The following TTC21A variants were observed in gnomAD, a reference collection of about 807,000 sequenced individuals.
The protein encoded by TTC21A is tetratricopeptide repeat domain 21A, also known as tetratricopeptide repeat protein 21A.
Under a neutral mutation model 156.4 loss-of-function variants are expected in TTC21A, and 128 were observed. The observed-to-expected ratio is 0.82, with a 90% confidence interval of 0.71 to 0.95. The LOEUF is 0.95. TTC21A is among the 40% of genes least tolerant of loss of function. The pLI is 0.00. For synonymous variants in TTC21A, 587 were observed against 617.1 expected (o/e 0.95, Z 0.72); for missense variants, 1,435 against 1,602.3 (o/e 0.90, Z 1.78).
chr3:39,114,317 C>T (rs1321311983), intron 5 of TTC21A, among the ~76,000 whole-genome samples: 1 of 152,208 alleles, frequency 6.6e-6, no homozygotes, highest in Non-Finnish European at 1.5e-5. Flanking sequence ...CTATCCCAGG[C>T]CTGCTAAGTT....
In TTC21A at chr3:39,134,414, C is replaced by T. The variant is rs1201147867; in HGVS notation, c.2862+86C>T. On this transcript the variant is annotated intron_variant, in intron 21 of 28. Coordinates refer to ENST00000683103, the MANE Select transcript of TTC21A (RefSeq NM_001366900.1). This position sits in a 1 kb window ranked among gnomAD's most constrained non-coding sequence, Gnocchi z 4.6. ...ACCAGATGCAGGCTACTTCCTAGCCCCGTAACCTCAGATGCCTCACTGACA... is the reference window on the plus strand; with the variant it reads ...ACCAGATGCAGGCTACTTCCTAGCCTCGTAACCTCAGATGCCTCACTGACA... 7.3e-6 allele frequency: 7 copies of T among 959,508 alleles called. No homozygotes were observed. The Admixed American group carries it at 1.0e-4, about 14-fold the overall frequency. The allele number at this position is 959,508 out of a possible 1,614,324, so 59.4% of individuals were successfully genotyped here.
rs1334164450 is a variant in TTC21A at position 39,129,180 on chromosome 3, G to A, written c.2005G>A (p.Val669Met). The A allele has an allele frequency of 1.2e-6, 2 of 1,614,248 alleles. No individual in the cohort carries two copies. The highest frequency in any genetic ancestry group is 1.7e-6 in the Non-Finnish European group (2 of 1,180,050). ...NVDLVLSKGN[V>M]DVALNMLRNI... ...GGACTTGGTCCTGAGCAAGGGCAAT[G>A]TGGACGTGGCGCTGAACATGCTAAG... Residue 669 changes from valine to methionine, a missense_variant, in exon 15 of 29, where the codon GTG becomes ATG. Coordinates refer to ENST00000683103, the MANE Select transcript of TTC21A (RefSeq NM_001366900.1).
At chr3:39,138,429 G>A in intron 27 of TTC21A, 42 bp downstream of exon 27, 1 of 1,613,630 alleles carries the variant, frequency 6.2e-7, no homozygotes, top group Non-Finnish European at 8.5e-7. Flanking sequence ...GACGTGGGAG[G>A]GAGGTGGGCA....
intron 15 of TTC21A, 66 bp downstream of exon 15, chr3:39,129,376 A>G: frequency 8.0e-7 from 1 of 1,246,566 alleles, no homozygotes; most frequent in Non-Finnish European, 1.2e-6. Context: ...TGTTTCCTTC[A>G]GATGGTATTT....
At chr3:39,133,335 A>C in intron 20 of TTC21A, 95 bp downstream of exon 20, 4 of 1,270,414 alleles carry the variant, frequency 3.1e-6, no homozygotes, top group East Asian at 2.4e-5. Flanking sequence ...TCCCTTCTCC[A>C]TTCTTCCCTG....
rs778980243 is a variant in TTC21A at position 39,138,412 on chromosome 3, G to A, written c.3796+25G>A. The A allele has an allele frequency of 6.3e-5, 102 of 1,613,702 alleles. 1 individual carries two copies. Among genetic ancestry groups the A allele is most frequent in the Admixed American group, 5.0e-4 (30 of 59,964 alleles). Reference sequence around the variant, plus strand: ...GGTAAGGCAACCAGCCAGGGTGCACGTGAATGGACGTGGGAGGGAGGTGGG... The same window carrying A: ...GGTAAGGCAACCAGCCAGGGTGCACATGAATGGACGTGGGAGGGAGGTGGG... On this transcript the variant is annotated intron_variant, in intron 27 of 28. Transcript: ENST00000683103.
At chr3:39,108,208 C>T (rs994610443) in intron 1 of TTC21A, 22 of 506,290 alleles carry the variant, frequency 4.3e-5, no homozygotes, top group African/African-American at 3.5e-4. Context: ...CTAGCCTTAA[C>T]TCATACCTCT....
Position 39,134,916 on chromosome 3 carries a change from TGAGAAAC to T in TTC21A, c.2863-176_2863-170del. 1.6e-6 allele frequency: 1 copy of T among 618,652 alleles called. No individual in the cohort carries two copies. Among genetic ancestry groups the T allele is most frequent in the Admixed American group, 2.8e-5 (1 of 36,076 alleles). The allele number at this position is 618,652 out of a possible 1,614,324, so 38.3% of individuals were successfully genotyped here. On this transcript the variant is annotated intron_variant, in intron 21 of 28. Coordinates refer to ENST00000683103, the MANE Select transcript of TTC21A (RefSeq NM_001366900.1). This position sits in a 1 kb window ranked among gnomAD's most constrained non-coding sequence, Gnocchi z 4.6. ...AGTCCTCACCTTCTGGGTGGGGGCCTGAGAAACCCTCAGGCTTCTCCTGTGGCAGCTT... is the reference window on the plus strand; with the variant it reads ...AGTCCTCACCTTCTGGGTGGGGGCCTCCTCAGGCTTCTCCTGTGGCAGCTT...
At chr3:39,124,621 T>C (rs2038050300) in intron 9 of TTC21A, among the ~76,000 whole-genome samples, 1 of 120,480 alleles carries the variant, frequency 8.3e-6, no homozygotes, top group Non-Finnish European at 1.7e-5. Flanking sequence ...ATCGTGCCAC[T>C]TCACTCCAGC....
intron 23 of TTC21A, 168 bp from the exon 24 acceptor site, chr3:39,136,726 CCACCA>C: frequency 1.0e-6 from 1 of 1,000,936 alleles, no homozygotes; most frequent in Non-Finnish European, 1.4e-6. Context: ...CTTGGGCAGG[CCACCA>C]GCCTGCATCC....
At chr3:39,122,035 G>A (rs758882564) in intron 9 of TTC21A, among the ~76,000 whole-genome samples, 10 of 152,212 alleles carry the variant, frequency 6.6e-5, no homozygotes, top group South Asian at 2.1e-4. Flanking sequence ...TGAGCCAGGC[G>A]TGATGGCTCA....
chr3:39,108,333 C>T (rs925809153), intron 1 of TTC21A: 1 of 164,606 alleles, frequency 6.1e-6, no homozygotes, highest in Admixed American at 6.4e-5. Context: ...TCTCTCCCCC[C>T]TGAGAGCCTG....
At chr3:39,109,886 T>A (rs1163330107) in intron 2 of TTC21A, 143 bp from the exon 3 acceptor site, 11 of 620,516 alleles carry the variant, frequency 1.8e-5, no homozygotes, top group Non-Finnish European at 8.6e-6. Flanking sequence ...AGAGCCCCAA[T>A]CTTCAGGGAA....
Position 39,129,310 on chromosome 3 carries a change from G to T in TTC21A, c.2135G>T (p.Arg712Leu). ...AGGCGCCTCTACATCAGATGCTACC[G>T]GTAAGCCCCACAGGCAGCACAATGA... ...RDRRLYIRCYRELCEHLPGPH... is the reference protein window; with the variant it reads ...RDRRLYIRCYLELCEHLPGPH... The change falls in exon 15 of 29, where the codon CGT becomes CTT. Residue 712 changes from arginine (R) to leucine (L), a missense_variant and splice_region_variant. By Grantham distance (102) the Arg-to-Leu change is moderately radical. Coordinates refer to ENST00000683103, the MANE Select transcript of TTC21A (RefSeq NM_001366900.1). 6 of 1,608,374 alleles carry T rather than the reference G, an allele frequency of 3.7e-6. No homozygotes were observed. Among genetic ancestry groups the T allele is most frequent in the Non-Finnish European group, 5.1e-6 (6 of 1,174,796 alleles).
In TTC21A at chr3:39,130,761, C is replaced by T; in HGVS notation, c.2380C>T (p.Leu794=). Residue 794 remains leucine (L), a synonymous_variant, in exon 18 of 29, where the codon CTG becomes TTG. Transcript: ENST00000683103. This position sits in a 1 kb window ranked among gnomAD's most constrained non-coding sequence, Gnocchi z 4.5. ...TGGACAGGACTTTCTGTGCTGCGAT[C>T]TGGGCAAACTGCTCCTGAAGTTAAA... ...INGQDFLCCD[L]GKLLLKLKKV... is the part of the protein sequence containing the mutation. 6.2e-7 allele frequency: 1 copy of T among 1,614,210 alleles called. No individual in the cohort carries two copies.
chr3:39,121,725 A>G (rs1359675840), intron 9 of TTC21A, among the ~76,000 whole-genome samples: 1 of 152,188 alleles, frequency 6.6e-6, no homozygotes, highest in Non-Finnish European at 1.5e-5. Context: ...CATTTTTTAA[A>G]GCCCCCTATT....
intron 22 of TTC21A, among the ~76,000 whole-genome samples, chr3:39,135,928 G>A (rs1289841390): frequency 6.6e-6 from 1 of 151,958 alleles, no homozygotes; most frequent in African/African-American, 2.4e-5. Context: ...GGTGGCGGGT[G>A]CCTGTAGTCC....
At chr3:39,114,241 T>C (rs551029610) in intron 5 of TTC21A, among the ~76,000 whole-genome samples, 1 of 152,358 alleles carries the variant, frequency 6.6e-6, no homozygotes, top group African/African-American at 2.4e-5. Context: ...ATGGAAAATG[T>C]ATGGAACTGG....
intron 22 of TTC21A, chr3:39,136,057 C>CAAAA: frequency 1.1e-5 from 1 of 94,566 alleles, no homozygotes; most frequent in Non-Finnish European, 2.1e-5. Flanking sequence ...GACTCCGTCT[C>CAAAA]AAAAAAAAAA....
Sources: gnomAD v4.1 joint callset for allele counts (sites outside exome capture counted in the v4.1 genomes callset) on GRCh38, gnomAD v4.1.1 for gene constraint, Gnocchi (gnomAD v3.1) non-coding constraint, MANE v1.5 for transcripts, NCBI Gene and HGNC (gene_info 2026-07-23, HGNC 2026-07-21) for gene names.